Variants in DNMT1 observed in about 807,000 individuals in gnomAD.
The protein encoded by DNMT1 is DNA (cytosine-5)-methyltransferase 1.
Under a neutral mutation model 205.3 loss-of-function variants are expected in DNMT1, and 24 were observed. The observed-to-expected ratio is 0.12, with a 90% CI of 0.08 to 0.16. The LOEUF is 0.16. Ranked by LOEUF, DNMT1 falls within the 10% of genes least tolerant of loss-of-function variation. The probability of loss-of-function intolerance (pLI) is 1.00; values close to 1 mark genes in which losing one functional copy is unlikely to be tolerated. For missense variants in DNMT1, 1,293 were observed against 2,177.7 expected (o/e 0.59, Z 8.09); for synonymous variants, 817 against 839.8 (o/e 0.97, Z 0.47).
At chr19:10,189,556 A>G (rs1320644521) in intron 1 of DNMT1, among the ~76,000 whole-genome samples, 2 of 149,338 alleles carry the variant, frequency 1.3e-5, no homozygotes, top group East Asian at 3.9e-4. Flanking sequence ...AGTAGCTGGG[A>G]CCCCAGGTGC....
chr19:10,182,171 C>T, intron 1 of DNMT1, 94 bp from the exon 2 acceptor site: 2 of 1,354,926 alleles, frequency 1.5e-6, no homozygotes, highest in South Asian at 2.4e-5. Flanking sequence ...GTTTTGGACA[C>T]AAACAAGTTT....
chr19:10,156,881 G>A lies in DNMT1; in HGVS notation c.1281-372C>T, dbSNP rs564952103. On this transcript the variant is annotated intron_variant, in intron 17 of 40. Transcript: ENST00000359526. This position sits in a 1 kb window ranked among gnomAD's most constrained non-coding sequence, Gnocchi z 4.2. ...GATCTACCCACCTCAGCCTCCCAAAGTGCTGGGATTACAGGCTGAACCACC... is the reference window on the plus strand; with the variant it reads ...GATCTACCCACCTCAGCCTCCCAAAATGCTGGGATTACAGGCTGAACCACC... Among the ~76,000 whole-genome samples, 24 of 152,028 alleles carry A rather than the reference G, an allele frequency of 1.6e-4. No homozygotes were observed. In the South Asian group the frequency reaches 4.4e-3, roughly 28 times the overall value.
intron 1 of DNMT1, among the ~76,000 whole-genome samples, chr19:10,183,268 A>T (rs1361659514): frequency 6.6e-6 from 1 of 151,642 alleles, no homozygotes; most frequent in Non-Finnish European, 1.5e-5. Context: ...GGCATGCACC[A>T]CCACACCCAG....
At chr19:10,149,760 G>T in intron 25 of DNMT1, 93 bp downstream of exon 25, 23 of 1,602,398 alleles carry the variant, frequency 1.4e-5, no homozygotes, top group Non-Finnish European at 1.9e-5. Context: ...TTCATCTAGG[G>T]CAAAAAGCTG....
intron 17 of DNMT1, among the ~76,000 whole-genome samples, chr19:10,157,120 G>A (rs986727359): frequency 1.3e-5 from 2 of 152,128 alleles, no homozygotes; most frequent in Admixed American, 1.3e-4. Context: ...GCTCTATTCA[G>A]CTGCAGAACA....
intron 10 of DNMT1, 125 bp from the exon 11 acceptor site, chr19:10,166,810 T>C: frequency 4.1e-6 from 4 of 986,902 alleles, no homozygotes; most frequent in Non-Finnish European, 4.7e-6. Flanking sequence ...GCCTCTCCTG[T>C]CTTCACTGCA....
intron 1 of DNMT1, among the ~76,000 whole-genome samples, chr19:10,194,229 G>A (rs1599415864): frequency 6.6e-6 from 1 of 152,302 alleles, no homozygotes; most frequent in South Asian, 2.1e-4. Context: ...AGTCCCAACT[G>A]ACAGAATGAG....
In DNMT1 at chr19:10,137,408, G is replaced by C. The variant is rs571798381; in HGVS notation, c.4294-128C>G. Reference sequence around the variant, plus strand: ...TGGGGCTCACGCCCATCGGGAAAGAGACAGTCAGGGATATCGCACTTGGCT... The same window carrying C: ...TGGGGCTCACGCCCATCGGGAAAGACACAGTCAGGGATATCGCACTTGGCT... On this transcript the variant is annotated intron_variant, in intron 36 of 40. Transcript: ENST00000359526. This position sits in a 1 kb window ranked among gnomAD's most constrained non-coding sequence, Gnocchi z 6.4. 2 of 1,198,018 alleles carry C rather than the reference G, an allele frequency of 1.7e-6. No individual in the cohort carries two copies. Among genetic ancestry groups the C allele is most frequent in the Admixed American group, 2.1e-5 (1 of 46,932 alleles). The allele number at this position is 1,198,018 out of a possible 1,614,324, so 74.2% of individuals were successfully genotyped here. A position where few individuals can be genotyped will look rare whatever the true frequency, so the allele number is the denominator to read the frequency against.
At chr19:10,185,309 C>T (rs1014228255) in intron 1 of DNMT1, among the ~76,000 whole-genome samples, 4 of 151,800 alleles carry the variant, frequency 2.6e-5, no homozygotes. Context: ...CCTGTAGTCC[C>T]AGCTACTCAG....
chr19:10,180,459 T>G lies in DNMT1; in HGVS notation c.336A>C (p.Gln112His). Residue 112 changes from glutamine (Q) to histidine (H), a missense_variant, in exon 4 of 41, where the codon CAA becomes CAC. Gln to His is a conservative substitution (Grantham distance 24). Transcript: ENST00000359526. Reference sequence around the variant, plus strand: ...CCACTCTACGGGCTTCACTTCTTGCTTGGTTCCCGTTTTCTAGACGTCCAT... The same window carrying G: ...CCACTCTACGGGCTTCACTTCTTGCGTGGTTCCCGTTTTCTAGACGTCCAT... ...EVNGRLENGN[Q>H]ARSEARRVGM... is the part of the protein sequence containing the mutation. 6.2e-7 allele frequency: 1 copy of G among 1,614,182 alleles called. No homozygotes were observed. The highest frequency in any genetic ancestry group is 1.3e-5 in the African/African-American group (1 of 75,058).
At chr19:10,171,839 AT>A (rs1456412980) in intron 9 of DNMT1, among the ~76,000 whole-genome samples, 2 of 148,508 alleles carry the variant, frequency 1.3e-5, no homozygotes, top group Non-Finnish European at 3.0e-5. Flanking sequence ...AAATAAATAA[AT>A]AAATAAAAAC....
At chr19:10,193,666 A>AG (rs2039344919) in intron 1 of DNMT1, among the ~76,000 whole-genome samples, 1 of 45,928 alleles carries the variant, frequency 2.2e-5, no homozygotes, top group African/African-American at 8.4e-5. Context: ...CCCAGCCTTC[A>AG]AAAAAAAAAA....
Position 10,159,104 on chromosome 19 carries a change from C to A in DNMT1, c.1280+554G>T, listed in dbSNP as rs1452412398. 2.6e-5 allele frequency among the ~76,000 whole-genome samples: 4 copies of A among 152,186 alleles called. No homozygotes were observed. The highest frequency in any genetic ancestry group is 2.6e-4 in the Admixed American group (4 of 15,262). The stretch of plus-strand genomic sequence containing the variant: ...TGGTACCTAGCACAGAGTAGGCCTT[C>A]ATCTGAGCGTGTGACCCTCAGGATG... On this transcript the variant is annotated intron_variant, in intron 17 of 40. Coordinates refer to ENST00000359526, the MANE Select transcript of DNMT1 (RefSeq NM_001130823.3). The surrounding 1 kb of genome is among the most constrained non-coding windows in gnomAD (Gnocchi z 5.0).
intron 13 of DNMT1, 121 bp from the exon 14 acceptor site, chr19:10,160,539 C>A: frequency 1.9e-6 from 2 of 1,059,552 alleles, no homozygotes; most frequent in Non-Finnish European, 1.4e-6. Flanking sequence ...GGGAGGGAGG[C>A]AGTGAGAGGG....
At chr19:10,173,004 A>G in intron 9 of DNMT1, 86 bp downstream of exon 9, 8 of 1,506,484 alleles carry the variant, frequency 5.3e-6, no homozygotes. Context: ...CACGTTCCCC[A>G]CCCCCTGTCC....
rs576699927 is a variant in DNMT1 at position 10,185,663 on chromosome 19, C to CA, written c.81-3587dup. Among the ~76,000 whole-genome samples the CA allele has an allele frequency of 2.4e-4, 37 of 151,128 alleles. No homozygotes were observed. The East Asian group carries it at 3.1e-3, about 13-fold the overall frequency. ...GCTACACTGAGAGATCCCATCTCTA[C>CA]AAAAAAAATGTAAAAATTAGCTGGG... On this transcript the variant is annotated intron_variant, in intron 1 of 40. Transcript: ENST00000359526.
At position 10,155,023 on chromosome 19, in the gene DNMT1, G is replaced by C; in HGVS notation, c.1526C>G (p.Pro509Arg). Residue 509 changes from proline to arginine, a missense_variant, in exon 20 of 41, where the codon CCC (proline) becomes CGC (arginine). Pro to Arg is a moderately radical substitution (Grantham distance 103). This residue lies in a region of DNMT1 where 120 missense variants were observed against 315.9 expected (regional missense o/e 0.38). Coordinates refer to ENST00000359526, the MANE Select transcript of DNMT1 (RefSeq NM_001130823.3). ...CAGCCCAAATATGGGCGCATACTCG[G>C]GACTGGGATCCATCAGAATGTATTC... ...FAEYILMDPS[P>R]EYAPIFGLMQ... 6.2e-7 allele frequency: 1 copy of C among 1,614,146 alleles called. No homozygotes were observed.
At chr19:10,152,248 A>T (rs2038362502) in intron 22 of DNMT1, among the ~76,000 whole-genome samples, 1 of 149,516 alleles carries the variant, frequency 6.7e-6, no homozygotes, top group Non-Finnish European at 1.5e-5. Context: ...TGATGCATTA[A>T]GACTTTTAGG....
chr19:10,177,692 A>G (rs1210708546), intron 5 of DNMT1, among the ~76,000 whole-genome samples: 1 of 152,156 alleles, frequency 6.6e-6, no homozygotes, highest in Non-Finnish European at 1.5e-5. Flanking sequence ...AAACTTTGAG[A>G]GGCTGAGGTG....
Sources: gnomAD v4.1 joint callset for allele counts (sites outside exome capture counted in the v4.1 genomes callset) on GRCh38, gnomAD v4.1.1 for gene constraint, gnomAD v4.1.1 regional missense constraint, Gnocchi (gnomAD v3.1) non-coding constraint, MANE v1.5 for transcripts, NCBI Gene and HGNC (gene_info 2026-07-23, HGNC 2026-07-21) for gene names.